PTPRT: variants seen among roughly 807,000 people sequenced by gnomAD.
The protein encoded by PTPRT is protein tyrosine phosphatase receptor type T.
A neutral mutation model predicts 176.8 loss-of-function variants in PTPRT; 56 were observed. The observed-to-expected ratio is 0.32, with a 90% confidence interval of 0.26 to 0.40. PTPRT has a LOEUF of 0.40. Among genes scored for constraint, PTPRT ranks in the 10% least tolerant of loss-of-function variants. PTPRT has a pLI of 1.00. For synonymous variants in PTPRT, 783 were observed against 739.0 expected (o/e 1.06, Z -0.96); for missense variants, 1,540 against 1,908.2 (o/e 0.81, Z 3.60).
chr20:42,535,915 T>G (rs1438282237), intron 7 of PTPRT, among the ~76,000 whole-genome samples: 1 of 152,162 alleles, frequency 6.6e-6, no homozygotes, highest in Non-Finnish European at 1.5e-5. Context: ...AGAAGTCACT[T>G]TCTCATCCTG....
At position 42,098,557 on chromosome 20, in the gene PTPRT, C is replaced by T; in HGVS notation, c.3715-5G>A. The T allele has an allele frequency of 6.2e-7, 1 of 1,614,002 alleles. No individual in the cohort carries two copies. Among genetic ancestry groups the T allele is most frequent in the Middle Eastern group, 1.7e-4 (1 of 6,052 alleles). On this transcript the variant is annotated splice_region_variant and splice_polypyrimidine_tract_variant and intron_variant, in intron 26 of 30. Coordinates refer to ENST00000373187, the MANE Select transcript of PTPRT (RefSeq NM_007050.6). ...GGCGGCAGGCTGCTTGTGGCTCTGA[C>T]AAAGGAATGACACAGGCTTCGTAAA...
chr20:42,896,144 C>T (rs2079292536), intron 1 of PTPRT, among the ~76,000 whole-genome samples: 1 of 152,138 alleles, frequency 6.6e-6, no homozygotes, highest in Admixed American at 6.5e-5. Flanking sequence ...AGTACTTCCA[C>T]TTTATAGATA....
chr20:42,548,391 T>A (rs2072712128), intron 7 of PTPRT, among the ~76,000 whole-genome samples: 4 of 152,136 alleles, frequency 2.6e-5, no homozygotes. Context: ...GTAATAAATG[T>A]TAAATTGCAC....
intron 6 of PTPRT, among the ~76,000 whole-genome samples, chr20:42,750,272 A>T (rs2076751611): frequency 6.6e-6 from 1 of 152,182 alleles, no homozygotes; most frequent in South Asian, 2.1e-4. Flanking sequence ...CTAAAGACAT[A>T]ATTTTATACT....
chr20:43,070,060 C>G lies in PTPRT; in HGVS notation c.88+119586G>C, dbSNP rs187047179. On this transcript the variant is annotated intron_variant, in intron 1 of 30. Transcript: ENST00000373187. ...AGGCAGCCTATGAGCCAAATCTGAC[C>G]TACAGATGTATTTCAATGGCCCAGA... 6.8e-4 allele frequency among the ~76,000 whole-genome samples: 104 copies of G among 152,232 alleles called. 1 individual carries two copies. The highest frequency in any genetic ancestry group is 2.4e-3 in the African/African-American group (101 of 41,536).
At chr20:43,107,684 C>T (rs2012675902) in intron 1 of PTPRT, among the ~76,000 whole-genome samples, 3 of 152,186 alleles carry the variant, frequency 2.0e-5, no homozygotes, top group African/African-American at 4.8e-5. Context: ...CAGGTTTACA[C>T]ACTAGGGTAA....
chr20:42,089,207 C>T (rs929986014), intron 27 of PTPRT, among the ~76,000 whole-genome samples: 4 of 152,098 alleles, frequency 2.6e-5, no homozygotes, highest in Non-Finnish European at 4.4e-5. Context: ...GACAAATCCA[C>T]AATTTGAACT....
chr20:42,838,190 C>T (rs960331045), intron 2 of PTPRT, among the ~76,000 whole-genome samples: 1 of 152,142 alleles, frequency 6.6e-6, no homozygotes, highest in Non-Finnish European at 1.5e-5. Flanking sequence ...CCACGCCCTG[C>T]TGTTTTTGTA....
chr20:42,221,472 G>T (rs897784435), intron 15 of PTPRT, among the ~76,000 whole-genome samples: 6 of 151,936 alleles, frequency 3.9e-5, no homozygotes, highest in African/African-American at 1.4e-4. Flanking sequence ...AAGCAAAGGG[G>T]AAGCAAGGCA....
intron 1 of PTPRT, among the ~76,000 whole-genome samples, chr20:43,165,312 C>T (rs1568822169): frequency 6.6e-6 from 1 of 152,228 alleles, no homozygotes; most frequent in East Asian, 1.9e-4. Flanking sequence ...GCGCCTGCCA[C>T]AATCATGTCT....
chr20:42,186,063 G>C (rs1990769281), intron 16 of PTPRT, among the ~76,000 whole-genome samples: 1 of 152,102 alleles, frequency 6.6e-6, no homozygotes, highest in Non-Finnish European at 1.5e-5. Context: ...CTGGTGAAGG[G>C]AGAAGGGGGT....
chr20:42,894,216 G>A (rs908161584), intron 1 of PTPRT, among the ~76,000 whole-genome samples: 1 of 152,100 alleles, frequency 6.6e-6, no homozygotes, highest in African/African-American at 2.4e-5. Context: ...AAGGAGAAAT[G>A]AGAGTATTTG....
At position 43,097,678 on chromosome 20, in the gene PTPRT, C is replaced by T. The variant is rs141481363; in HGVS notation, c.88+91968G>A. ...CCACAGTGACAGACACTGCACTCTC[C>T]TGACTCTCAGAATTTGAGAGCCTAA... On this transcript the variant is annotated intron_variant, in intron 1 of 30. Transcript: ENST00000373187. Among the ~76,000 whole-genome samples the T allele has an allele frequency of 1.0e-3, 153 of 152,264 alleles. 1 individual carries two copies. Among genetic ancestry groups the T allele is most frequent in the African/African-American group, 3.6e-3 (149 of 41,558 alleles).
intron 13 of PTPRT, among the ~76,000 whole-genome samples, chr20:42,254,062 A>G (rs770072948): frequency 5.3e-5 from 8 of 152,040 alleles, no homozygotes; most frequent in Non-Finnish European, 1.2e-4. Context: ...TATTAGCTCC[A>G]TACATAGGGT....
chr20:42,959,330 C>T (rs1444248940), intron 1 of PTPRT, among the ~76,000 whole-genome samples: 3 of 152,070 alleles, frequency 2.0e-5, no homozygotes, highest in South Asian at 2.1e-4. Context: ...GTTAGAGAAA[C>T]GGTGATCACC....
At chr20:42,035,476 A>G in the PTPRT span, among the ~76,000 whole-genome samples, 1 of 152,052 alleles carries the variant, frequency 6.6e-6, no homozygotes, top group East Asian at 1.9e-4. Flanking sequence ...TCTGGCAATG[A>G]CTCTGATATA....
At chr20:42,301,899 G>T (rs1168398231) in intron 12 of PTPRT, among the ~76,000 whole-genome samples, 2 of 152,170 alleles carry the variant, frequency 1.3e-5, no homozygotes, top group African/African-American at 4.8e-5. Context: ...TTGAAGCTGA[G>T]TGACGGGCAC....
chr20:42,886,024 A>C, intron 1 of PTPRT, 92 bp from the exon 2 acceptor site: 1 of 1,031,056 alleles, frequency 9.7e-7, no homozygotes, highest in African/African-American at 1.7e-5. Flanking sequence ...TACAGCTTTG[A>C]ATTTTAAACT....
chr20:42,546,848 G>A (rs913251737), intron 7 of PTPRT, among the ~76,000 whole-genome samples: 5 of 152,116 alleles, frequency 3.3e-5, no homozygotes, highest in Non-Finnish European at 5.9e-5. Flanking sequence ...CACTATGTTT[G>A]CTCATTGCTA....
Sources: allele counts gnomAD v4.1 joint callset (sites outside exome capture counted in the v4.1 genomes callset), GRCh38; gene constraint gnomAD v4.1.1; transcripts MANE v1.5; gene names NCBI Gene and HGNC (gene_info 2026-07-23, HGNC 2026-07-21).